The following NR2C1 variants were observed in gnomAD, a reference collection of about 807,000 sequenced individuals.
The protein encoded by NR2C1 is nuclear receptor subfamily 2 group C member 1.
In NR2C1, 33 loss-of-function variants were observed where a neutral mutation model predicts 74.8. The ratio of observed to expected loss-of-function variants is 0.44; its 90% CI spans 0.33 to 0.59. The LOEUF is 0.59. NR2C1 is among the 20% of genes least tolerant of loss of function. The pLI is 0.02. For synonymous variants in NR2C1, 225 were observed against 240.6 expected (o/e 0.94, Z 0.60); for missense variants, 568 against 715.6 (o/e 0.79, Z 2.35).
At chr12:95,053,682 T>A (rs894899967) in intron 7 of NR2C1, among the ~76,000 whole-genome samples, 1 of 59,484 alleles carries the variant, frequency 1.7e-5, no homozygotes, top group African/African-American at 7.7e-5. Context: ...CTTTTTGGTG[T>A]TTTTTTTTTT....
chr12:95,071,250 T>G (rs1395993807), intron 1 of NR2C1, among the ~76,000 whole-genome samples: 1 of 152,124 alleles, frequency 6.6e-6, no homozygotes, highest in African/African-American at 2.4e-5. Context: ...TACCCAGTCT[T>G]TCTTGAAGGG....
chr12:95,064,441 G>T (rs1875332343), intron 2 of NR2C1, among the ~76,000 whole-genome samples: 1 of 152,078 alleles, frequency 6.6e-6, no homozygotes, highest in African/African-American at 2.4e-5. Context: ...TACTGACCAG[G>T]AACAGGGTAG....
chr12:95,051,469 TACTC>T (rs1872999262), intron 8 of NR2C1, among the ~76,000 whole-genome samples: 1 of 152,234 alleles, frequency 6.6e-6, no homozygotes, highest in Non-Finnish European at 1.5e-5. Context: ...CTATGTGTAT[TACTC>T]ACTGTGGATT....
rs988440258 is a variant in NR2C1, at chr12:95,073,537, G to T, written c.-165C>A. The T allele has an allele frequency of 2.0e-5, 3 of 152,268 alleles. No individual in the cohort carries two copies. Among genetic ancestry groups the T allele is most frequent in the Admixed American group, 1.3e-4 (2 of 15,290 alleles). The allele number at this position is 152,268 out of a possible 1,614,324, so 9.4% of individuals were successfully genotyped here. Reference sequence around the variant, plus strand: ...CGGCGGAGAGAGCTTTCTGTGTTTGGGTATTTCTGGGGGGTCAGAGTTCGT... The same window carrying T: ...CGGCGGAGAGAGCTTTCTGTGTTTGTGTATTTCTGGGGGGTCAGAGTTCGT... On this transcript the variant is annotated 5_prime_UTR_variant, in exon 1 of 14. Transcript: ENST00000333003.
intron 11 of NR2C1, chr12:95,030,526 A>G (rs550153754): frequency 4.4e-6 from 7 of 1,605,746 alleles, no homozygotes; most frequent in Middle Eastern, 1.7e-4. Context: ...TTACAGGCAT[A>G]TAAGACATGA....
At chr12:95,072,139 C>G (rs562563025) in intron 1 of NR2C1, among the ~76,000 whole-genome samples, 174 of 148,822 alleles carry the variant, frequency 1.2e-3, no homozygotes, top group African/African-American at 3.9e-3. Context: ...ATCGGCCGGG[C>G]GCGGTGGCTC....
chr12:95,064,007 C>A (rs540488512), intron 2 of NR2C1, among the ~76,000 whole-genome samples: 151 of 100,354 alleles, frequency 1.5e-3, no homozygotes, highest in African/African-American at 5.7e-3. Context: ...CCAGCCTGGG[C>A]GACAGAGGAC....
rs1445469760 is a variant in NR2C1, at chr12:95,057,766, T to C, written c.657A>G (p.Ala219=). The C allele has an allele frequency of 2.5e-6, 4 of 1,614,018 alleles. No homozygotes were observed. The South Asian group carries it at 4.4e-5, about 18-fold the overall frequency. Residue 219 remains alanine, a synonymous_variant, in exon 6 of 14, where the codon GCA becomes GCG. Transcript: ENST00000333003. The part of the protein sequence containing the change: ...IRKDLRSPLT[A]TPTFVTDSES... The stretch of plus-strand genomic sequence containing the variant: ...CACTATCTGTTACAAAAGTTGGAGT[T>C]GCAGTTAATGGGCTACGAAGGTCCT...
chr12:95,025,003 A>G lies in NR2C1; in HGVS notation c.1637+147T>C, dbSNP rs1215166197. ...ATATTTTATGTAACGTACTTGCAAC[A>G]ATGCAATACTGCTTTTTATAGCATT... On this transcript the variant is annotated intron_variant, in intron 13 of 13. Coordinates refer to ENST00000333003, the MANE Select transcript of NR2C1 (RefSeq NM_003297.4). 1.0e-5 allele frequency: 5 copies of G among 479,584 alleles called. No individual in the cohort carries two copies. In the East Asian group the frequency reaches 1.4e-4, roughly 13 times the overall value. The allele number at this position is 479,584 out of a possible 1,614,324, so 29.7% of individuals were successfully genotyped here.
In NR2C1 at chr12:95,031,401, T is replaced by C. The variant is rs1870093171; in HGVS notation, c.1341A>G (p.Val447=). The C allele has an allele frequency of 6.2e-7, 1 of 1,607,324 alleles. No individual in the cohort carries two copies. Among genetic ancestry groups the C allele is most frequent in the African/African-American group, 1.3e-5 (1 of 74,526 alleles). Residue 447 remains valine (V), a synonymous_variant, in exon 11 of 14, where the codon GTA becomes GTG. Transcript: ENST00000333003. Reference sequence around the variant, plus strand: ...TGACAAATGTTGCTAATATAGTTGCTACATTCATCACTTGCCAGCACTGGG... The same window carrying C: ...TGACAAATGTTGCTAATATAGTTGCCACATTCATCACTTGCCAGCACTGGG... The part of the protein sequence containing the change: ...GLAQCWQVMN[V]ATILATFVNC...
chr12:95,040,323 C>T (rs1029540682), intron 10 of NR2C1, among the ~76,000 whole-genome samples, 153 bp downstream of exon 10: 8 of 152,194 alleles, frequency 5.3e-5, no homozygotes, highest in African/African-American at 1.9e-4. Flanking sequence ...TACTAGTTAG[C>T]TGCCATGATT....
At position 95,062,610 on chromosome 12, in the gene NR2C1, C is replaced by T. The variant is rs1163885344; in HGVS notation, c.183G>A (p.Arg61=). ...AAACTTTTCCCGGAGTGGAATCTTG[C>T]CTGGCCAGAATGACTTTGCTTGGAG... ...GSTPSKVILA[R]QDSTPGKVFL... The change falls in exon 3 of 14, where the codon AGG becomes AGA. Residue 61 remains arginine (R), a synonymous_variant. Coordinates refer to ENST00000333003, the MANE Select transcript of NR2C1 (RefSeq NM_003297.4). 2 of 1,613,954 alleles carry T rather than the reference C, an allele frequency of 1.2e-6. No individual in the cohort carries two copies. The highest frequency in any genetic ancestry group is 1.7e-6 in the Non-Finnish European group (2 of 1,180,034).
chr12:95,072,455 C>CAAAAAAAAAAAAAAAA (rs570185714), intron 1 of NR2C1, among the ~76,000 whole-genome samples: 2 of 60,312 alleles, frequency 3.3e-5, no homozygotes, highest in African/African-American at 5.9e-5. Flanking sequence ...CTCTCCCTCT[C>CAAAAAAAAAAAAAAAA]AAAAAAAAAA....
In NR2C1 at chr12:95,028,444, G is replaced by A. The variant is rs781581861; in HGVS notation, c.1474C>T (p.Leu492Phe). 6 of 1,608,188 alleles carry A rather than the reference G, an allele frequency of 3.7e-6. No homozygotes were observed. The South Asian group carries it at 6.6e-5, about 18-fold the overall frequency. Residue 492 changes from leucine to phenylalanine, a missense_variant, in exon 12 of 14, where the codon CTC (leucine) becomes TTC (phenylalanine). By Grantham distance (22) the Leu-to-Phe change is conservative. This residue lies in a region of NR2C1 where 117 missense variants were observed against 186.7 expected (regional missense o/e 0.63). Transcript: ENST00000333003. Reference protein sequence around the residue: ...LQEFCNSMVKLCIDGYEYAYL... With the variant: ...LQEFCNSMVKFCIDGYEYAYL... ...GCATATTCGTATCCATCAATGCAGA[G>A]TTTAACCATGCTGTTACAAAACTCC...
intron 4 of NR2C1, 111 bp downstream of exon 4, chr12:95,059,795 T>A: frequency 1.4e-6 from 1 of 735,872 alleles, no homozygotes; most frequent in Non-Finnish European, 2.1e-6. Context: ...TTTATTTCTC[T>A]TCTTACTTTT....
At chr12:95,025,845 A>C (rs576071458) in intron 12 of NR2C1, among the ~76,000 whole-genome samples, 1 of 151,594 alleles carries the variant, frequency 6.6e-6, no homozygotes, top group South Asian at 2.1e-4. Flanking sequence ...CTCCATTCCA[A>C]AAGTAGTAAG....
At chr12:95,039,073 CA>C (rs200877318) in intron 10 of NR2C1, among the ~76,000 whole-genome samples, 1 of 151,398 alleles carries the variant, frequency 6.6e-6, no homozygotes, top group Admixed American at 6.6e-5. Flanking sequence ...ATCTCTTAAA[CA>C]AAAAAAACCC....
chr12:95,068,516 C>T (rs528846057), intron 1 of NR2C1, among the ~76,000 whole-genome samples: 9 of 152,190 alleles, frequency 5.9e-5, no homozygotes, highest in East Asian at 3.9e-4. Context: ...ACACTTGGAC[C>T]GGCCCCGGTG....
intron 1 of NR2C1, among the ~76,000 whole-genome samples, chr12:95,068,655 G>T (rs1470486564): frequency 6.6e-6 from 1 of 152,118 alleles, no homozygotes; most frequent in Admixed American, 6.5e-5. Context: ...TTAGCCAGGT[G>T]TGGTGGTACA....
Sources: allele counts gnomAD v4.1 joint callset (sites outside exome capture counted in the v4.1 genomes callset), GRCh38; gene constraint gnomAD v4.1.1; regional missense constraint gnomAD v4.1.1; transcripts MANE v1.5; gene names NCBI Gene and HGNC (gene_info 2026-07-23, HGNC 2026-07-21).